Variants in WFS1 observed in about 807,000 individuals in gnomAD.
WFS1 encodes wolframin ER transmembrane glycoprotein.
In WFS1, 90 loss-of-function variants were observed where a neutral mutation model predicts 68.5. That is an observed-to-expected ratio of 1.31 (90% CI 1.11 to 1.56). WFS1 has a LOEUF of 1.56. Among genes scored for constraint, WFS1 ranks in the 40% most tolerant of loss-of-function variants. The pLI is 0.00. For synonymous variants in WFS1, 860 were observed against 540.7 expected (o/e 1.59, Z -8.19); for missense variants, 1,767 against 1,232.6 (o/e 1.43, Z -6.49).
intron 2 of WFS1, among the ~76,000 whole-genome samples, chr4:6,279,402 C>G (rs547828476): frequency 6.6e-6 from 1 of 152,158 alleles, no homozygotes; most frequent in Non-Finnish European, 1.5e-5. Flanking sequence ...GATGGGAAAC[C>G]GAGGGATAGA....
In WFS1 at chr4:6,287,390, C is replaced by T. The variant is rs569054798; in HGVS notation, c.315+215C>T. 2 of 587,198 alleles carry T rather than the reference C, an allele frequency of 3.4e-6. No individual in the cohort carries two copies. Among genetic ancestry groups the T allele is most frequent in the East Asian group, 2.9e-5 (1 of 34,176 alleles). The allele number at this position is 587,198 out of a possible 1,614,324, so 36.4% of individuals were successfully genotyped here. On this transcript the variant is annotated intron_variant, in intron 3 of 7. Coordinates refer to ENST00000226760, the MANE Select transcript of WFS1 (RefSeq NM_006005.3). The surrounding 1 kb of genome is among the most constrained non-coding windows in gnomAD (Gnocchi z 6.4). ...TGGCACTCCTCTGGGGAGCAGCGCTCATCCCCCTTTTGTCCAACTCACACC... is the reference window on the plus strand; with the variant it reads ...TGGCACTCCTCTGGGGAGCAGCGCTTATCCCCCTTTTGTCCAACTCACACC...
At chr4:6,291,429 G>T in intron 5 of WFS1, 62 bp downstream of exon 5, 1 of 1,589,608 alleles carries the variant, frequency 6.3e-7, no homozygotes, top group Admixed American at 1.7e-5. Flanking sequence ...CAGGAGCCAG[G>T]ACCTTCCCAT....
intron 7 of WFS1, among the ~76,000 whole-genome samples, chr4:6,295,947 C>T (rs1730628337): frequency 2.0e-5 from 3 of 152,240 alleles, no homozygotes; most frequent in Admixed American, 2.0e-4. Context: ...GCTTGGCCTC[C>T]TGACCCAGGA....
At chr4:6,291,668 C>T (rs1047455334) in intron 5 of WFS1, among the ~76,000 whole-genome samples, 1 of 152,234 alleles carries the variant, frequency 6.6e-6, no homozygotes, top group Non-Finnish European at 1.5e-5. Context: ...GTGACCACGT[C>T]TACCAATGGG....
rs150771247 is a variant in WFS1 at position 6,291,968 on chromosome 4, G to A, written c.683G>A (p.Arg228His). 2,109 of 1,610,506 alleles carry A rather than the reference G, an allele frequency of 1.3e-3. 5 individuals carry two copies. Among genetic ancestry groups the A allele is most frequent in the Non-Finnish European group, 1.7e-3 (2,000 of 1,179,150 alleles). Residue 228 changes from arginine (R) to histidine (H), a missense_variant, in exon 6 of 8, where the codon CGC (arginine) becomes CAC (histidine). By Grantham distance (29) the Arg-to-His change is conservative. Coordinates refer to ENST00000226760, the MANE Select transcript of WFS1 (RefSeq NM_006005.3). ...CCCAAGTCCCTGCAGAAGCAGAGGCGCATGCTGGAGCGCCTGGTCAGCAGC... is the reference window on the plus strand; with the variant it reads ...CCCAAGTCCCTGCAGAAGCAGAGGCACATGCTGGAGCGCCTGGTCAGCAGC... ...PVPKSLQKQR[R>H]MLERLVSSES...
chr4:6,294,189 T>C (rs1182214504), intron 6 of WFS1, among the ~76,000 whole-genome samples: 3 of 152,168 alleles, frequency 2.0e-5, no homozygotes, highest in East Asian at 3.9e-4. Context: ...AGCATGGTCC[T>C]TTCTTTCCCA....
At position 6,283,672 on chromosome 4, in the gene WFS1, C is replaced by G. The variant is rs1010073829; in HGVS notation, c.233-3421C>G. On this transcript the variant is annotated intron_variant, in intron 2 of 7. Coordinates refer to ENST00000226760, the MANE Select transcript of WFS1 (RefSeq NM_006005.3). The surrounding 1 kb of genome is among the most constrained non-coding windows in gnomAD (Gnocchi z 5.0). ...AAACTCCGCTGGGCTGTGTCCATCC[C>G]TGAACCAGGTGCTGTAGTCAGGGAG... Among the ~76,000 whole-genome samples the G allele has an allele frequency of 1.3e-5, 2 of 152,216 alleles. No homozygotes were observed. Among genetic ancestry groups the G allele is most frequent in the African/African-American group, 4.8e-5 (2 of 41,458 alleles).
In WFS1 at chr4:6,302,749, G is replaced by A. The variant is rs1578614183; in HGVS notation, c.*281G>A. 1.8e-6 allele frequency: 1 copy of A among 554,260 alleles called. No homozygotes were observed. Among genetic ancestry groups the A allele is most frequent in the African/African-American group, 1.9e-5 (1 of 53,088 alleles). 34.3% of individuals were successfully genotyped at this position (554,260 alleles called of 1,614,324 possible). On this transcript the variant is annotated 3_prime_UTR_variant, in exon 8 of 8. Transcript: ENST00000226760. The stretch of plus-strand genomic sequence containing the variant: ...ACATGGGTGTGCCAGGCTAGACTAG[G>A]AGGTTCCGGTGTCTGGAAAAGCACT...
intron 5 of WFS1, 152 bp from the exon 6 acceptor site, chr4:6,291,765 C>T (rs1730470367): frequency 1.2e-6 from 1 of 826,820 alleles, no homozygotes; most frequent in Non-Finnish European, 2.0e-6. Context: ...GTGGCCCCTG[C>T]TCTGCCTGCC....
At chr4:6,278,106 C>G (rs1411812870) in intron 2 of WFS1, among the ~76,000 whole-genome samples, 1 of 152,238 alleles carries the variant, frequency 6.6e-6, no homozygotes, top group Admixed American at 6.5e-5. Flanking sequence ...TTTCCCCTCT[C>G]CCTGAGGGAG....
Position 6,301,603 on chromosome 4 carries a change from T to G in WFS1, c.1808T>G (p.Val603Gly), listed in dbSNP as rs1560420209. Residue 603 changes from valine to glycine, a missense_variant, in exon 8 of 8, where the codon GTC (valine) becomes GGC (glycine). Transcript: ENST00000226760. ...ELTKIAVTVA[V>G]CSVPLLLRWW... The stretch of plus-strand genomic sequence containing the variant: ...ACCAAGATCGCAGTCACCGTGGCGG[T>G]CTGTAGTGTGCCCCTGCTGTTGCGC... The G allele has an allele frequency of 1.2e-6, 2 of 1,613,934 alleles. No individual in the cohort carries two copies. The highest frequency in any genetic ancestry group is 1.7e-6 in the Non-Finnish European group (2 of 1,180,004).
chr4:6,302,376 G>T lies in WFS1; in HGVS notation c.2581G>T (p.Val861Leu). The change falls in exon 8 of 8, where the codon GTG becomes TTG. Residue 861 changes from valine (V) to leucine (L), a missense_variant. Transcript: ENST00000226760. Reference protein sequence around the residue: ...MAQLSPTRRHVKIEHDWRSTV... With the variant: ...MAQLSPTRRHLKIEHDWRSTV... ...CCAGCTCTCACCCACCAGGCGGCAC[G>T]TGAAGATCGAGCACGACTGGCGCAG... 1 of 1,613,084 alleles carries T rather than the reference G, an allele frequency of 6.2e-7. No individual in the cohort carries two copies. Among genetic ancestry groups the T allele is most frequent in the Non-Finnish European group, 8.5e-7 (1 of 1,179,984 alleles).
At chr4:6,282,275 A>T (rs1005976318) in intron 2 of WFS1, among the ~76,000 whole-genome samples, 1 of 152,124 alleles carries the variant, frequency 6.6e-6, no homozygotes. Context: ...GTGCAGGGTG[A>T]CCCCAGCTTC....
intron 1 of WFS1, among the ~76,000 whole-genome samples, chr4:6,276,396 G>A (rs919724944): frequency 5.9e-5 from 9 of 152,176 alleles, no homozygotes; most frequent in South Asian, 2.1e-4. Context: ...CCCTTGCTCC[G>A]GCGTGACACG....
Position 6,302,543 on chromosome 4 carries a change from G to A in WFS1, c.*75G>A. 6.3e-7 allele frequency: 1 copy of A among 1,594,972 alleles called. No homozygotes were observed. Among genetic ancestry groups the A allele is most frequent in the Admixed American group, 1.7e-5 (1 of 59,636 alleles). ...CCCCAGTGTGGCCCCAGCCCGACAGGCATGCACCAGTGCCGCCTGTGCCCA... is the reference window on the plus strand; with the variant it reads ...CCCCAGTGTGGCCCCAGCCCGACAGACATGCACCAGTGCCGCCTGTGCCCA... On this transcript the variant is annotated 3_prime_UTR_variant, in exon 8 of 8. Transcript: ENST00000226760.
rs756972444 is a variant in WFS1, at chr4:6,302,232, G to A, written c.2437G>A (p.Val813Met). The A allele has an allele frequency of 1.2e-5, 20 of 1,607,778 alleles. No individual in the cohort carries two copies. The highest frequency in any genetic ancestry group is 2.7e-5 in the African/African-American group (2 of 74,834). The change falls in exon 8 of 8, where the codon GTG (valine) becomes ATG (methionine). Residue 813 changes from valine to methionine, a missense_variant. Coordinates refer to ENST00000226760, the MANE Select transcript of WFS1 (RefSeq NM_006005.3). ...GCGGGCCAGCAGCGAGTTCAAGAGC[G>A]TGCTGCTCAGCCTGCGCCAGGGCAG... The part of the protein sequence containing the change: ...VLRASSEFKS[V>M]LLSLRQGSLI...
At chr4:6,286,985 G>A in intron 2 of WFS1, 108 bp from the exon 3 acceptor site, 1 of 1,003,756 alleles carries the variant, frequency 1.0e-6, no homozygotes, top group Admixed American at 2.0e-5. Flanking sequence ...GGATTTGAAA[G>A]TGACAAGCAG....
At position 6,287,251 on chromosome 4, in the gene WFS1, C is replaced by A; in HGVS notation, c.315+76C>A. The stretch of plus-strand genomic sequence containing the variant: ...CAGGCCTGGCCACGAGCTCCACAGC[C>A]CACAGAGAAGTGTCGGTGCCTGAGA... On this transcript the variant is annotated intron_variant, in intron 3 of 7. Transcript: ENST00000226760. This position sits in a 1 kb window ranked among gnomAD's most constrained non-coding sequence, Gnocchi z 6.4. 7.5e-7 allele frequency: 1 copy of A among 1,330,962 alleles called. No individual in the cohort carries two copies. Among genetic ancestry groups the A allele is most frequent in the Non-Finnish European group, 1.1e-6 (1 of 949,282 alleles). 82.4% of individuals were successfully genotyped at this position (1,330,962 alleles called of 1,614,324 possible).
chr4:6,278,942 A>G (rs1730075842), intron 2 of WFS1, among the ~76,000 whole-genome samples: 2 of 152,240 alleles, frequency 1.3e-5, no homozygotes, highest in Non-Finnish European at 2.9e-5. Context: ...ACAGAGTCCA[A>G]GACTGTGTGT....
Sources: gnomAD v4.1 joint callset for allele counts (sites outside exome capture counted in the v4.1 genomes callset) on GRCh38, gnomAD v4.1.1 for gene constraint, Gnocchi (gnomAD v3.1) non-coding constraint, MANE v1.5 for transcripts, NCBI Gene and HGNC (gene_info 2026-07-23, HGNC 2026-07-21) for gene names.